The following TRIQK variants were observed in gnomAD, a reference collection of about 807,000 sequenced individuals.
TRIQK encodes triple QxxK/R motif-containing protein.
In TRIQK, 10 loss-of-function variants were observed where a neutral mutation model predicts 10.8. That is an observed-to-expected ratio of 0.92 (90% CI 0.57 to 1.57). The LOEUF is 1.57. TRIQK is among the 40% of genes most tolerant of loss of function. The pLI, the probability that TRIQK is intolerant of heterozygous loss-of-function variation, is 0.00. For synonymous variants in TRIQK, 33 were observed against 33.7 expected (o/e 0.98, Z 0.07); for missense variants, 107 against 97.7 (o/e 1.09, Z -0.40).
upstream of TRIQK, among the ~76,000 whole-genome samples, chr8:92,966,520 C>T (rs2130732754): frequency 6.6e-6 from 1 of 152,056 alleles, no homozygotes. Flanking sequence ...AAAAAAAAAT[C>T]GTTTTATATT....
intron 2 of TRIQK, among the ~76,000 whole-genome samples, chr8:92,935,726 C>A (rs1003653237): frequency 6.6e-6 from 1 of 151,096 alleles, no homozygotes; most frequent in South Asian, 2.1e-4. Context: ...GAAAAAAATA[C>A]ACAAACAGTA....
At position 92,961,697 on chromosome 8, in the gene TRIQK, A is replaced by T. The variant is rs79463467; in HGVS notation, c.-181+4310T>A. On this transcript the variant is annotated intron_variant, in intron 1 of 4. Coordinates refer to ENST00000521988, the MANE Select transcript of TRIQK (RefSeq NM_001171797.2). ...ATTATTCCATACCCTGCAATATTTG[A>T]ATATTTTAACATTCAAAGTATGTAA... 5.6e-3 allele frequency among the ~76,000 whole-genome samples: 855 copies of T among 152,340 alleles called. 20 individuals are homozygous for T. The East Asian group carries it at 0.076, about 14-fold the overall frequency.
At chr8:92,996,829 T>C (rs899475282) in intron 1 of TRIQK, among the ~76,000 whole-genome samples, 7 of 151,990 alleles carry the variant, frequency 4.6e-5, no homozygotes, top group Admixed American at 2.6e-4. Flanking sequence ...GTTAAGACTA[T>C]CGCAGATATT....
intron 1 of TRIQK, among the ~76,000 whole-genome samples, chr8:93,002,868 C>T (rs903489376): frequency 8.6e-5 from 13 of 151,144 alleles, no homozygotes; most frequent in African/African-American, 3.2e-4. Context: ...TGCAGTGACC[C>T]GAGATCCTGC....
At chr8:92,949,808 AAGAAAG>A (rs1811780824) in intron 2 of TRIQK, among the ~76,000 whole-genome samples, 1 of 138,894 alleles carries the variant, frequency 7.2e-6, no homozygotes, top group Admixed American at 7.1e-5. Flanking sequence ...GAAAGAAAGA[AAGAAAG>A]AAAGAAAGAA....
intron 2 of TRIQK, among the ~76,000 whole-genome samples, chr8:92,926,670 T>A (rs368099658): frequency 6.6e-6 from 1 of 152,094 alleles, no homozygotes; most frequent in Non-Finnish European, 1.5e-5. Flanking sequence ...CGTCCATGAG[T>A]CACTTTAACA....
chr8:92,932,023 T>A (rs1230539415), intron 2 of TRIQK, among the ~76,000 whole-genome samples: 4 of 152,140 alleles, frequency 2.6e-5, no homozygotes, highest in African/African-American at 7.2e-5. Flanking sequence ...TACAAAATCA[T>A]CCTCTGGCAC....
At position 93,006,897 on chromosome 8, in the gene TRIQK, T is replaced by C. The variant is rs565890669; in HGVS notation, c.-181+10712A>G. Among the ~76,000 whole-genome samples, 37 of 152,324 alleles carry C rather than the reference T, an allele frequency of 2.4e-4. No homozygotes were observed. The South Asian group carries it at 7.5e-3, about 31-fold the overall frequency. ...TAGCAGCAGGGGTGGCCACGGTCTC[T>C]GTGGATAAGCAGGCTTAGTCTTCTC... On this transcript the variant is annotated intron_variant, in intron 1 of 4. Transcript: ENST00000520686.
chr8:92,900,621 C>T (rs1214261481), intron 3 of TRIQK, among the ~76,000 whole-genome samples: 1 of 152,002 alleles, frequency 6.6e-6, no homozygotes, highest in African/African-American at 2.4e-5. Flanking sequence ...ATGTGAGTAC[C>T]ATGCTGTTTT....
chr8:93,003,467 C>T (rs910906044), intron 1 of TRIQK, among the ~76,000 whole-genome samples: 12 of 152,148 alleles, frequency 7.9e-5, no homozygotes, highest in African/African-American at 2.7e-4. Flanking sequence ...CACTATTTCC[C>T]TCCCCCATCA....
intron 3 of TRIQK, among the ~76,000 whole-genome samples, chr8:92,916,466 CTCTT>C (rs1421329939): frequency 1.3e-5 from 2 of 152,022 alleles, no homozygotes; most frequent in African/African-American, 4.8e-5. Flanking sequence ...CTGGAGAATT[CTCTT>C]TCTTTTTTTC....
chr8:92,934,508 G>A (rs564602322), intron 2 of TRIQK, among the ~76,000 whole-genome samples: 2 of 151,910 alleles, frequency 1.3e-5, no homozygotes, highest in African/African-American at 2.4e-5. Flanking sequence ...CAATAACAAG[G>A]CCCTTTATGG....
chr8:92,891,977 A>G lies in TRIQK; in HGVS notation c.147+12T>C, dbSNP rs1482757348. On this transcript the variant is annotated intron_variant, in intron 4 of 4. Coordinates refer to ENST00000521988, the MANE Select transcript of TRIQK (RefSeq NM_001171797.2). The stretch of plus-strand genomic sequence containing the variant: ...ACATATCAAATTTTAAAGTTATCAA[A>G]TAGAGGTTTACCTTTATGCCTATTG... 5.3e-6 allele frequency: 8 copies of G among 1,522,228 alleles called. No homozygotes were observed. The highest frequency in any genetic ancestry group is 7.0e-6 in the Non-Finnish European group (8 of 1,138,126). 94.3% of individuals were successfully genotyped at this position (1,522,228 alleles called of 1,614,324 possible).
intron 2 of TRIQK, among the ~76,000 whole-genome samples, chr8:92,917,561 T>TA (rs1809931338): frequency 6.6e-6 from 1 of 152,004 alleles, no homozygotes; most frequent in East Asian, 1.9e-4. Flanking sequence ...TCATGCTTAT[T>TA]ACCTTATATG....
At chr8:92,987,655 C>G (rs1813050111) in intron 1 of TRIQK, among the ~76,000 whole-genome samples, 1 of 151,834 alleles carries the variant, frequency 6.6e-6, no homozygotes, top group African/African-American at 2.4e-5. Context: ...TATGATTCAT[C>G]AAAATAAAGA....
intron 2 of TRIQK, among the ~76,000 whole-genome samples, chr8:92,942,507 C>A (rs1030454375): frequency 6.6e-6 from 1 of 152,134 alleles, no homozygotes; most frequent in African/African-American, 2.4e-5. Context: ...ACTTTTACCA[C>A]TTCTGTTCAA....
At chr8:92,901,309 T>A (rs1322907461) in intron 3 of TRIQK, among the ~76,000 whole-genome samples, 11 of 152,108 alleles carry the variant, frequency 7.2e-5, no homozygotes, top group African/African-American at 2.7e-4. Context: ...AAGTGAGCAG[T>A]CTTGTCTTGT....
chr8:92,940,473 G>A (rs1391729827), intron 2 of TRIQK, among the ~76,000 whole-genome samples: 1 of 152,054 alleles, frequency 6.6e-6, no homozygotes, highest in African/African-American at 2.4e-5. Context: ...GAGTGGAGTA[G>A]CTATACTTAT....
intron 1 of TRIQK, among the ~76,000 whole-genome samples, chr8:93,016,143 A>G (rs1041239790): frequency 6.6e-6 from 1 of 152,206 alleles, no homozygotes; most frequent in African/African-American, 2.4e-5. Context: ...AAGGACTCAC[A>G]TTACTCAGAG....
Sources: gnomAD v4.1 joint callset for allele counts (sites outside exome capture counted in the v4.1 genomes callset) on GRCh38, gnomAD v4.1.1 for gene constraint, MANE v1.5 for transcripts, NCBI Gene and HGNC (gene_info 2026-07-23, HGNC 2026-07-21) for gene names.